Variants in NAALADL2 observed in about 807,000 individuals in gnomAD.
NAALADL2 encodes N-acetylated alpha-linked acidic dipeptidase like 2, also known as inactive N-acetylated-alpha-linked acidic dipeptidase-like protein 2.
NAALADL2 carries 76 observed loss-of-function variants against 87.2 expected under a neutral mutation model. The observed-to-expected ratio is 0.87, with a 90% CI of 0.72 to 1.05. The LOEUF is 1.05. Ranked by LOEUF, NAALADL2 falls within the 50% of genes least tolerant of loss-of-function variation. NAALADL2 has a pLI of 0.00. For missense variants in NAALADL2, 1,089 were observed against 945.8 expected, an observed-to-expected ratio of 1.15 and a Z score of -1.99; for synonymous variants, 354 against 331.0, an observed-to-expected ratio of 1.07 and a Z score of -0.75.
chr3:175,146,180 T>G (rs757156231), intron 2 of NAALADL2, among the ~76,000 whole-genome samples: 1 of 152,136 alleles, frequency 6.6e-6, no homozygotes, highest in Non-Finnish European at 1.5e-5. Flanking sequence ...GGCTCATGTG[T>G]GTCTGTTGAC....
chr3:174,508,289 A>G (rs902659566), intron 1 of NAALADL2, among the ~76,000 whole-genome samples: 4 of 151,432 alleles, frequency 2.6e-5, no homozygotes, highest in African/African-American at 7.3e-5. Context: ...AATTTTTTGT[A>G]TTTTTAGTGG....
At chr3:175,434,572 T>C (rs375397997) in intron 5 of NAALADL2, among the ~76,000 whole-genome samples, 262 of 152,212 alleles carry the variant, frequency 1.7e-3, no homozygotes, top group African/African-American at 6.0e-3. Flanking sequence ...GTTCATTTAA[T>C]CAGTCTCATA....
intron 2 of NAALADL2, among the ~76,000 whole-genome samples, chr3:174,707,841 C>CA (rs201927832): frequency 4.8e-4 from 68 of 142,494 alleles, no homozygotes; most frequent in African/African-American, 1.1e-3. Flanking sequence ...GTCCAAAGCA[C>CA]AAAAAAAAAA....
At chr3:174,732,695 A>G (rs985165606) in intron 2 of NAALADL2, among the ~76,000 whole-genome samples, 1 of 152,172 alleles carries the variant, frequency 6.6e-6, no homozygotes, top group Non-Finnish European at 1.5e-5. Flanking sequence ...ATGTGATTCA[A>G]AACAGGGAAT....
At chr3:174,982,354 C>T (rs1745232010) in intron 1 of NAALADL2, among the ~76,000 whole-genome samples, 1 of 150,886 alleles carries the variant, frequency 6.6e-6, no homozygotes, top group African/African-American at 2.5e-5. Context: ...AGCAGTATAA[C>T]TTAAAAAAAA....
intron 5 of NAALADL2, among the ~76,000 whole-genome samples, chr3:175,445,420 T>C (rs1720531166): frequency 6.6e-6 from 1 of 152,158 alleles, no homozygotes; most frequent in Admixed American, 6.5e-5. Context: ...CCTCTCTTTT[T>C]AACTCCCCAG....
intron 3 of NAALADL2, among the ~76,000 whole-genome samples, chr3:174,762,814 T>C (rs1342145692): frequency 6.6e-6 from 1 of 152,054 alleles, no homozygotes; most frequent in Non-Finnish European, 1.5e-5. Context: ...GCAACTACAG[T>C]GCCAATAATA....
chr3:174,998,901 T>C (rs7616956), intron 1 of NAALADL2, among the ~76,000 whole-genome samples: 25,071 of 152,172 alleles, frequency 0.16, 2,600 homozygotes, highest in African/African-American at 0.3. Context: ...TAGTGAAGAA[T>C]AATCATCTAT....
At chr3:174,691,320 G>A (rs1262188031) in intron 2 of NAALADL2, among the ~76,000 whole-genome samples, 1 of 152,022 alleles carries the variant, frequency 6.6e-6, no homozygotes, top group Non-Finnish European at 1.5e-5. Context: ...ACTGAGGCAG[G>A]AGAATCGCTT....
At chr3:174,568,709 A>G (rs1714579632) in intron 2 of NAALADL2, among the ~76,000 whole-genome samples, 1 of 151,750 alleles carries the variant, frequency 6.6e-6, no homozygotes, top group African/African-American at 2.4e-5. Context: ...CTGAGACTGT[A>G]AGTCCATATG....
chr3:175,663,686 T>G (rs1208901408), intron 11 of NAALADL2, among the ~76,000 whole-genome samples: 1 of 151,908 alleles, frequency 6.6e-6, no homozygotes, highest in Non-Finnish European at 1.5e-5. Flanking sequence ...TTATGAAGAA[T>G]CTAATGCATT....
At chr3:174,754,466 CTTTTTT>C (rs11285494) in intron 3 of NAALADL2, among the ~76,000 whole-genome samples, 1 of 125,504 alleles carries the variant, frequency 8.0e-6, no homozygotes, top group Admixed American at 8.2e-5. Context: ...ACAGAGCTAT[CTTTTTT>C]TTTTTTTTTT....
At chr3:175,540,271 G>T (rs1224009769) in intron 9 of NAALADL2, among the ~76,000 whole-genome samples, 1 of 152,130 alleles carries the variant, frequency 6.6e-6, no homozygotes, top group African/African-American at 2.4e-5. Flanking sequence ...TTTGAGCAGA[G>T]ATTTGAATGA....
chr3:174,559,064 G>A (rs1713236735), intron 2 of NAALADL2, among the ~76,000 whole-genome samples: 1 of 152,096 alleles, frequency 6.6e-6, no homozygotes, highest in African/African-American at 2.4e-5. Context: ...TTTTATCTTG[G>A]ATTTGAAAGT....
rs1053270458 is a variant in NAALADL2, at chr3:175,430,205, G to A, written c.1091-17024G>A. On this transcript the variant is annotated intron_variant, in intron 5 of 13. Transcript: ENST00000454872. Reference sequence around the variant, plus strand: ...CTTTGGCCGTTAAATTATGCATTGAGAACTACCATTCTAAATTCTACCATT... The same window carrying A: ...CTTTGGCCGTTAAATTATGCATTGAAAACTACCATTCTAAATTCTACCATT... 2.0e-4 allele frequency among the ~76,000 whole-genome samples: 30 copies of A among 151,826 alleles called. 2 individuals are homozygous for A. Among genetic ancestry groups the A allele is most frequent in the Admixed American group, 1.3e-3 (20 of 15,206 alleles).
chr3:174,770,012 G>A (rs1388264483), intron 3 of NAALADL2, among the ~76,000 whole-genome samples: 1 of 152,010 alleles, frequency 6.6e-6, no homozygotes, highest in Non-Finnish European at 1.5e-5. Flanking sequence ...TTTAGAAATT[G>A]CATATCAATG....
chr3:174,467,608 A>C (rs1005478294), intron 1 of NAALADL2, among the ~76,000 whole-genome samples: 4 of 150,248 alleles, frequency 2.7e-5, no homozygotes, highest in African/African-American at 9.8e-5. Context: ...AAAAAAAAAA[A>C]AAAAAAAAAA....
chr3:174,635,795 G>A (rs540843392), intron 2 of NAALADL2, among the ~76,000 whole-genome samples: 11 of 152,048 alleles, frequency 7.2e-5, no homozygotes, highest in East Asian at 1.9e-4. Flanking sequence ...GAGCCACCAC[G>A]TCTGGACGAT....
chr3:174,965,645 C>A (rs964907537), intron 1 of NAALADL2, among the ~76,000 whole-genome samples: 1 of 151,854 alleles, frequency 6.6e-6, no homozygotes, highest in Non-Finnish European at 1.5e-5. Flanking sequence ...AGGAAAAAAA[C>A]AACATGAAGA....
Sources: gnomAD v4.1 joint callset for allele counts (sites outside exome capture counted in the v4.1 genomes callset) on GRCh38, gnomAD v4.1.1 for gene constraint, MANE v1.5 for transcripts, NCBI Gene and HGNC (gene_info 2026-07-23, HGNC 2026-07-21) for gene names.